The following CYP11B1 variants were observed in gnomAD, a reference collection of about 807,000 sequenced individuals.
The protein encoded by CYP11B1 is cytochrome P450 family 11 subfamily B member 1.
In CYP11B1, 34 loss-of-function variants were observed where a neutral mutation model predicts 48.3. The ratio of observed to expected loss-of-function variants is 0.70; its 90% confidence interval spans 0.54 to 0.94. The LOEUF is 0.94. Ranked by LOEUF, CYP11B1 falls within the 40% of genes least tolerant of loss-of-function variation. The pLI, the probability that CYP11B1 is intolerant of heterozygous loss-of-function variation, is 0.00. For missense variants in CYP11B1, 688 were observed against 657.4 expected, an observed-to-expected ratio of 1.05 and a Z score of -0.51; for synonymous variants, 291 against 262.5, an observed-to-expected ratio of 1.11 and a Z score of -1.05.
At position 142,875,527 on chromosome 8, in the gene CYP11B1, G is replaced by A. The variant is rs371743629; in HGVS notation, c.1121+185C>T. ...GACATGCTCCACGTTAATCCCCAGGGCGTTGAAGAGGGATTCCAGAGAAAG... is the reference window on the plus strand; with the variant it reads ...GACATGCTCCACGTTAATCCCCAGGACGTTGAAGAGGGATTCCAGAGAAAG... On this transcript the variant is annotated intron_variant, in intron 6 of 8. Transcript: ENST00000292427. 1.4e-3 allele frequency: 1,239 copies of A among 892,504 alleles called. 14 individuals are homozygous for A. In the South Asian group the frequency reaches 0.019, roughly 14 times the overall value. The allele number at this position is 892,504 out of a possible 1,614,324, so 55.3% of individuals were successfully genotyped here.
chr8:142,879,100 G>T lies in CYP11B1; in HGVS notation c.327C>A (p.His109Gln). ...CCACCCAGGGCTCCAGGCTCATCCT[G>T]TGGGGATGCAGGCTGTCCACCTGTT... ...KLQQVDSLHP[H>Q]RMSLEPWVAY... Residue 109 changes from histidine (H) to glutamine (Q), a missense_variant, in exon 2 of 9, where the codon CAC becomes CAA. Transcript: ENST00000292427. 2.5e-6 allele frequency: 4 copies of T among 1,614,044 alleles called. No homozygotes were observed. Among genetic ancestry groups the T allele is most frequent in the Non-Finnish European group, 3.4e-6 (4 of 1,179,870 alleles).
Position 142,879,713 on chromosome 8 carries a change from G to A in CYP11B1, c.101C>T (p.Thr34Ile), listed in dbSNP as rs1817086310. Residue 34 changes from threonine to isoleucine, a missense_variant, in exon 1 of 9, where the codon ACA (threonine) becomes ATA (isoleucine). Transcript: ENST00000292427. ...GGGCATGGCTTCAAAGGGCAGCACT[G>A]TCCTGGGGACCCGGGCGGCTCTCGT... ...LGTRAARVPRTVLPFEAMPRR... is the reference protein window; with the variant it reads ...LGTRAARVPRIVLPFEAMPRR... 2 of 1,614,142 alleles carry A rather than the reference G, an allele frequency of 1.2e-6. No individual in the cohort carries two copies. The highest frequency in any genetic ancestry group is 1.7e-6 in the Non-Finnish European group (2 of 1,180,056).
intron 6 of CYP11B1, 74 bp from the exon 7 acceptor site, chr8:142,875,386 C>T (rs1251423348): frequency 2.7e-6 from 4 of 1,466,406 alleles, no homozygotes; most frequent in East Asian, 5.0e-5. Flanking sequence ...CCCTTCCTAC[C>T]GAAGAACCCG....
In CYP11B1 at chr8:142,873,896, TA is replaced by T. The variant is rs1374897148; in HGVS notation, c.*476del. 1.7e-5 allele frequency: 4 copies of T among 238,842 alleles called. No homozygotes were observed. Among genetic ancestry groups the T allele is most frequent in the Non-Finnish European group, 3.3e-5 (4 of 119,410 alleles). The allele number at this position is 238,842 out of a possible 1,614,324, so 14.8% of individuals were successfully genotyped here. A position where few individuals can be genotyped will look rare whatever the true frequency, so the allele number is the denominator to read the frequency against. On this transcript the variant is annotated 3_prime_UTR_variant, in exon 9 of 9. Coordinates refer to ENST00000292427, the MANE Select transcript of CYP11B1 (RefSeq NM_000497.4). ...GAGCTCAGGGCATGCTCGAGCTGCC[TA>T]GGGGTCAGGCTGCAGGAGGGAACTT...
At chr8:142,874,912 T>TGCCCAGACCCC (rs763645256) in intron 8 of CYP11B1, 45 bp downstream of exon 8, 3 of 1,607,610 alleles carry the variant, frequency 1.9e-6, no homozygotes, top group Non-Finnish European at 2.5e-6. Context: ...CCGCCCATGC[T>TGCCCAGACCCC]GCCCAGACCC....
At chr8:142,878,084 A>G (rs992185480) in intron 2 of CYP11B1, among the ~76,000 whole-genome samples, 4 of 152,086 alleles carry the variant, frequency 2.6e-5, no homozygotes, top group African/African-American at 7.2e-5. Context: ...GCATGCACAC[A>G]CAACACGTGC....
At position 142,879,233 on chromosome 8, in the gene CYP11B1, G is replaced by A. The variant is rs375095237; in HGVS notation, c.240-46C>T. On this transcript the variant is annotated intron_variant, in intron 1 of 8. Coordinates refer to ENST00000292427, the MANE Select transcript of CYP11B1 (RefSeq NM_000497.4). ...CCGTGCTGGATGGGACCATGTCCCC[G>A]CTAGCCCCACCCTGCAGTCCCAATC... 1.6e-4 allele frequency: 251 copies of A among 1,612,810 alleles called. No homozygotes were observed. The Admixed American group carries it at 2.9e-3, about 19-fold the overall frequency.
chr8:142,879,648 A>G lies in CYP11B1; in HGVS notation c.166T>C (p.Trp56Arg). 1.9e-6 allele frequency: 3 copies of G among 1,614,214 alleles called. No individual in the cohort carries two copies. The highest frequency in any genetic ancestry group is 2.5e-6 in the Non-Finnish European group (3 of 1,180,026). The change falls in exon 1 of 9, where the codon TGG becomes CGG. Residue 56 changes from tryptophan to arginine, a missense_variant. By Grantham distance (101) the Trp-to-Arg change is moderately radical. Transcript: ENST00000292427. Reference sequence around the variant, plus strand: ...AGGTCCTCATAACCCTGCTCCCTCCAGATCTGCAGCAGCCTCAGCCACCTG... The same window carrying G: ...AGGTCCTCATAACCCTGCTCCCTCCGGATCTGCAGCAGCCTCAGCCACCTG... ...GNRWLRLLQI[W>R]REQGYEDLHL...
rs148707144 is a variant in CYP11B1 at position 142,876,265 on chromosome 8, T to A, written c.930A>T (p.Glu310Asp). Reference sequence around the variant, plus strand: ...CCGTGTCCACGCTCCCTGCAGTGAGTTCCATAGAGTTGGCCTTGATGGCAT... The same window carrying A: ...CCGTGTCCACGCTCCCTGCAGTGAGATCCATAGAGTTGGCCTTGATGGCAT... Reference protein sequence around the residue: ...SPDAIKANSMELTAGSVDTTV... With the variant: ...SPDAIKANSMDLTAGSVDTTV... Residue 310 changes from glutamate to aspartate, a missense_variant, in exon 5 of 9, where the codon GAA (glutamate) becomes GAT (aspartate). Transcript: ENST00000292427. The A allele has an allele frequency of 3.8e-5, 62 of 1,614,038 alleles. No homozygotes were observed. Among genetic ancestry groups the A allele is most frequent in the Non-Finnish European group, 5.0e-5 (59 of 1,180,022 alleles).
intron 2 of CYP11B1, among the ~76,000 whole-genome samples, chr8:142,877,997 G>A (rs1451228802): frequency 2.0e-5 from 3 of 152,024 alleles, no homozygotes; most frequent in South Asian, 2.1e-4. Flanking sequence ...ACCCATGCCG[G>A]CACCTGCACA....
In CYP11B1 at chr8:142,875,894, C is replaced by T. The variant is rs1347227626; in HGVS notation, c.955-16G>A. 6.2e-7 allele frequency: 1 copy of T among 1,613,938 alleles called. No homozygotes were observed. The highest frequency in any genetic ancestry group is 1.3e-5 in the African/African-American group (1 of 74,928). On this transcript the variant is annotated splice_polypyrimidine_tract_variant and intron_variant, in intron 5 of 8. Transcript: ENST00000292427. Reference sequence around the variant, plus strand: ...GAAACACCGTCTGCAGGAGACACAGCTGCAGGGTCAGACCTTGCACAGGAG... The same window carrying T: ...GAAACACCGTCTGCAGGAGACACAGTTGCAGGGTCAGACCTTGCACAGGAG...
In CYP11B1 at chr8:142,874,958, T is replaced by A; in HGVS notation, c.1397A>T (p.His466Leu). ...CCTCCCCAGCCCGGGCCTGCTCACA[T>A]GGTGCAGCAGCAGCAGCATCTCTGC... is the stretch of plus-strand genomic sequence containing the variant. The part of the protein sequence containing the change: ...AEAEMLLLLH[H>L]VLKHLQVETL... Residue 466 changes from histidine to leucine, a missense_variant and splice_region_variant, in exon 8 of 9, where the codon CAT (histidine) becomes CTT (leucine). His to Leu is a moderately conservative substitution (Grantham distance 99). Transcript: ENST00000292427. 8 of 1,613,338 alleles carry A rather than the reference T, an allele frequency of 5.0e-6. No individual in the cohort carries two copies. The highest frequency in any genetic ancestry group is 6.8e-6 in the Non-Finnish European group (8 of 1,179,988).
chr8:142,874,414 G>C lies in CYP11B1; in HGVS notation c.1471C>G (p.Pro491Ala), dbSNP rs1816867832. 2 of 1,613,900 alleles carry C rather than the reference G, an allele frequency of 1.2e-6. No homozygotes were observed. Among genetic ancestry groups the C allele is most frequent in the Non-Finnish European group, 1.7e-6 (2 of 1,179,914 alleles). Reference protein sequence around the residue: ...IKMVYSFILRPSMFPLLTFRA... With the variant: ...IKMVYSFILRASMFPLLTFRA... The stretch of plus-strand genomic sequence containing the variant: ...AAGGTGAGGAGGGGGAACATGCTGG[G>C]CCTCAATATGAAGCTGTAGACCATC... The change falls in exon 9 of 9, where the codon CCC becomes GCC. Residue 491 changes from proline (P) to alanine (A), a missense_variant. Coordinates refer to ENST00000292427, the MANE Select transcript of CYP11B1 (RefSeq NM_000497.4).
intron 5 of CYP11B1, 125 bp from the exon 6 acceptor site, chr8:142,876,003 A>ACC: frequency 7.7e-7 from 1 of 1,293,860 alleles, no homozygotes; most frequent in Non-Finnish European, 1.1e-6. Context: ...ACAGAGCCCA[A>ACC]GACTTCAAAT....
chr8:142,876,837 C>T lies in CYP11B1; in HGVS notation c.644G>A (p.Ser215Asn), dbSNP rs1563869398. ...FGERLGLVGH[S>N]PSSASLNFLH... ...GAAGTTCAGGCTGGCAGAACTGGGG[C>T]TGTGGCCAACCAGGCCCAGCCGCTC... The change falls in exon 4 of 9, where the codon AGC (serine) becomes AAC (asparagine). Residue 215 changes from serine (S) to asparagine (N), a missense_variant. Coordinates refer to ENST00000292427, the MANE Select transcript of CYP11B1 (RefSeq NM_000497.4). 6.2e-7 allele frequency: 1 copy of T among 1,614,146 alleles called. No individual in the cohort carries two copies. Among genetic ancestry groups the T allele is most frequent in the Non-Finnish European group, 8.5e-7 (1 of 1,180,032 alleles).
chr8:142,874,903 C>T (rs958715423), intron 8 of CYP11B1, 54 bp downstream of exon 8: 36 of 1,601,956 alleles, frequency 2.2e-5, no homozygotes, highest in Non-Finnish European at 2.7e-5. Flanking sequence ...GCTCAAGCCC[C>T]GCCCATGCTG....
chr8:142,875,448 A>G, intron 6 of CYP11B1, 136 bp from the exon 7 acceptor site: 1 of 1,255,560 alleles, frequency 8.0e-7, no homozygotes, highest in Non-Finnish European at 1.1e-6. Flanking sequence ...GCTTCCTTGC[A>G]CCTGCTGAGC....
intron 2 of CYP11B1, 83 bp downstream of exon 2, chr8:142,878,949 T>C: frequency 6.4e-7 from 1 of 1,567,110 alleles, no homozygotes; most frequent in African/African-American, 1.4e-5. Context: ...CCAGGGCAGA[T>C]GTGCTTTTGG....
In CYP11B1 at chr8:142,879,678, C is replaced by T. The variant is rs1817085014; in HGVS notation, c.136G>A (p.Gly46Ser). The change falls in exon 1 of 9, where the codon GGC becomes AGC. Residue 46 changes from glycine to serine, a missense_variant. Transcript: ENST00000292427. ...TGCAGCAGCCTCAGCCACCTGTTGC[C>T]TGGACGCCGGGGCATGGCTTCAAAG... is the stretch of plus-strand genomic sequence containing the variant. ...LPFEAMPRRP[G>S]NRWLRLLQIW... is the part of the protein sequence containing the mutation. 1.2e-6 allele frequency: 2 copies of T among 1,614,142 alleles called. No individual in the cohort carries two copies. The highest frequency in any genetic ancestry group is 1.6e-4 in the Middle Eastern group (1 of 6,084).
Sources: gnomAD v4.1 joint callset for allele counts (sites outside exome capture counted in the v4.1 genomes callset) on GRCh38, gnomAD v4.1.1 for gene constraint, MANE v1.5 for transcripts, NCBI Gene and HGNC (gene_info 2026-07-23, HGNC 2026-07-21) for gene names.